MAP3K13: variants seen among roughly 807,000 people sequenced by gnomAD.
The protein encoded by MAP3K13 is mitogen-activated protein kinase kinase kinase 13.
In MAP3K13, 52 loss-of-function variants were observed where a neutral mutation model predicts 104.0. The observed-to-expected ratio is 0.50, with a 90% confidence interval of 0.40 to 0.63. The LOEUF (loss-of-function observed/expected upper bound fraction) is 0.63. Among genes scored for constraint, MAP3K13 ranks in the 20% least tolerant of loss-of-function variants. MAP3K13 has a pLI of 0.00. For synonymous variants in MAP3K13, 394 were observed against 442.2 expected (o/e 0.89, Z 1.37); for missense variants, 914 against 1,218.5 (o/e 0.75, Z 3.72).
At chr3:185,374,692 C>T (rs1460300776) in intron 1 of MAP3K13, among the ~76,000 whole-genome samples, 2 of 151,604 alleles carry the variant, frequency 1.3e-5, no homozygotes, top group East Asian at 3.9e-4. Context: ...TTTTTAATGT[C>T]GTCATATACC....
chr3:185,291,486 C>T, intron 2 of MAP3K13: 5 of 882,834 alleles, frequency 5.7e-6, no homozygotes, highest in Non-Finnish European at 6.3e-6. Context: ...TGATTTTCTC[C>T]TTTTGTTCTT....
At chr3:185,454,626 GATATATATATGAGAT>G (rs1560117083) in intron 7 of MAP3K13, among the ~76,000 whole-genome samples, 1 of 14,236 alleles carries the variant, frequency 7.0e-5, no homozygotes, top group African/African-American at 1.2e-4. Context: ...ATATATATGA[GATATATATATGAGAT>G]ATATATATGA....
chr3:185,447,351 C>T (rs760389166), intron 4 of MAP3K13, among the ~76,000 whole-genome samples: 6 of 151,398 alleles, frequency 4.0e-5, no homozygotes, highest in African/African-American at 7.3e-5. Context: ...ATTAGCTGGG[C>T]ATGGTGGCAG....
chr3:185,371,211 T>A (rs1027869810), intron 1 of MAP3K13, among the ~76,000 whole-genome samples: 1 of 152,210 alleles, frequency 6.6e-6, no homozygotes, highest in African/African-American at 2.4e-5. Flanking sequence ...TTCATTTGTA[T>A]GTTCATTTCA....
At chr3:185,392,921 G>T (rs1712155311) in intron 1 of MAP3K13, among the ~76,000 whole-genome samples, 1 of 151,908 alleles carries the variant, frequency 6.6e-6, no homozygotes, top group African/African-American at 2.4e-5. Flanking sequence ...GCCTGGTGGT[G>T]GGTGCCTGTA....
In MAP3K13 at chr3:185,339,006, T is replaced by C. The variant is rs927039865; in HGVS notation, c.-86+53363T>C. 4.6e-5 allele frequency among the ~76,000 whole-genome samples: 7 copies of C among 152,286 alleles called. No individual in the cohort carries two copies. In the Middle Eastern group the frequency reaches 0.014, roughly 296 times the overall value. ...TGTGGTATATGAGGTATAATAAGTG[T>C]AATAAGTTAAAATTATAAAATGCTA... On this transcript the variant is annotated intron_variant, in intron 2 of 14. Transcript: ENST00000424227.
intron 2 of MAP3K13, among the ~76,000 whole-genome samples, chr3:185,329,466 T>C (rs1271231455): frequency 1.3e-5 from 2 of 152,222 alleles, no homozygotes; most frequent in Admixed American, 6.5e-5. Flanking sequence ...TGTAACAAGA[T>C]GTTGGGATCC....
chr3:185,461,373 G>C (rs895648553), intron 7 of MAP3K13, among the ~76,000 whole-genome samples: 8 of 152,036 alleles, frequency 5.3e-5, no homozygotes, highest in Non-Finnish European at 1.0e-4. Context: ...GCATATTATA[G>C]AATGATCATT....
intron 2 of MAP3K13, among the ~76,000 whole-genome samples, chr3:185,346,781 A>G (rs780906389): frequency 7.2e-5 from 11 of 152,128 alleles, no homozygotes; most frequent in Non-Finnish European, 1.5e-4. Flanking sequence ...AGCAGTGTAT[A>G]AGAGTATCTA....
chr3:185,356,621 C>T (rs1278796964), intron 2 of MAP3K13, among the ~76,000 whole-genome samples: 1 of 152,220 alleles, frequency 6.6e-6, no homozygotes, highest in Non-Finnish European at 1.5e-5. Flanking sequence ...GTTCAGCCCC[C>T]ACCCAGCCAA....
chr3:185,442,515 T>G (rs1379372496), intron 3 of MAP3K13, among the ~76,000 whole-genome samples: 3 of 151,752 alleles, frequency 2.0e-5, no homozygotes, highest in Non-Finnish European at 4.4e-5. Context: ...AAGGAAGAAA[T>G]TTTAAATTAT....
At chr3:185,349,172 G>T (rs1005211805) in intron 2 of MAP3K13, among the ~76,000 whole-genome samples, 1 of 150,968 alleles carries the variant, frequency 6.6e-6, no homozygotes, top group African/African-American at 2.4e-5. Context: ...GTGCAGGTTT[G>T]TTACATTGGT....
chr3:185,285,157 C>T (rs572670760), intron 1 of MAP3K13, among the ~76,000 whole-genome samples: 1 of 152,088 alleles, frequency 6.6e-6, no homozygotes, highest in East Asian at 1.9e-4. Flanking sequence ...TATATTATTG[C>T]ACTATTTAAA....
chr3:185,326,172 G>A (rs1054546468), intron 2 of MAP3K13, among the ~76,000 whole-genome samples: 1 of 152,170 alleles, frequency 6.6e-6, no homozygotes, highest in Non-Finnish European at 1.5e-5. Flanking sequence ...TGTCCGTCCC[G>A]GGAGAATAGG....
At chr3:185,301,983 TG>T (rs200932592) in intron 2 of MAP3K13, among the ~76,000 whole-genome samples, 2,926 of 151,978 alleles carry the variant, frequency 0.019, 58 homozygotes, top group Non-Finnish European at 0.029. Context: ...TAAAAATTTT[TG>T]TTTTCTATTT....
chr3:185,395,353 A>ATTTTTTTTTTTTTTT (rs1560083058), intron 1 of MAP3K13, among the ~76,000 whole-genome samples: 1 of 18,492 alleles, frequency 5.4e-5, no homozygotes, highest in African/African-American at 1.8e-4. Flanking sequence ...ATTCAATATT[A>ATTTTTTTTTTTTTTT]TTTCTTTTTT....
chr3:185,379,924 G>A (rs1281006379), intron 1 of MAP3K13, among the ~76,000 whole-genome samples: 7 of 152,074 alleles, frequency 4.6e-5, no homozygotes, highest in Non-Finnish European at 4.4e-5. Context: ...AGTGGCTCAC[G>A]CCTGTAATCC....
chr3:185,432,551 T>C (rs929827079), intron 2 of MAP3K13, among the ~76,000 whole-genome samples: 3 of 152,034 alleles, frequency 2.0e-5, no homozygotes, highest in Non-Finnish European at 2.9e-5. Flanking sequence ...TACTGATAGC[T>C]GCATAAGTGA....
chr3:185,460,645 T>A (rs1298143326), intron 7 of MAP3K13, among the ~76,000 whole-genome samples: 1 of 152,198 alleles, frequency 6.6e-6, no homozygotes, highest in Non-Finnish European at 1.5e-5. Context: ...AGATTCTAAG[T>A]ATATAAAATG....
Sources: allele counts gnomAD v4.1 joint callset (sites outside exome capture counted in the v4.1 genomes callset), GRCh38; gene constraint gnomAD v4.1.1; transcripts MANE v1.5; gene names NCBI Gene and HGNC (gene_info 2026-07-23, HGNC 2026-07-21).